Variants in NEGR1 observed in about 807,000 individuals in gnomAD.
The protein encoded by NEGR1 is IgLON family member 4.
NEGR1 carries 10 observed loss-of-function variants against 40.9 expected under a neutral mutation model. That is an observed-to-expected ratio of 0.24 (90% confidence interval 0.15 to 0.42). NEGR1 has a LOEUF of 0.42. Among genes scored for constraint, NEGR1 ranks in the 10% least tolerant of loss-of-function variants. The probability of loss-of-function intolerance (pLI) is 1.00; values close to 1 mark genes in which losing one functional copy is unlikely to be tolerated. For synonymous variants in NEGR1, 185 were observed against 166.8 expected, an observed-to-expected ratio of 1.11 and a Z score of -0.84; for missense variants, 352 against 438.9, an observed-to-expected ratio of 0.80 and a Z score of 1.77.
At chr1:71,882,814 A>G (rs181873759) in intron 2 of NEGR1, among the ~76,000 whole-genome samples, 9 of 151,700 alleles carry the variant, frequency 5.9e-5, no homozygotes, top group African/African-American at 2.2e-4. Context: ...TTACACAGAT[A>G]CTTTTCCTAC....
At chr1:72,190,012 T>C (rs1356702726) in intron 1 of NEGR1, among the ~76,000 whole-genome samples, 2 of 151,598 alleles carry the variant, frequency 1.3e-5, no homozygotes, top group African/African-American at 4.8e-5. Context: ...ATTTCTTTAA[T>C]TAATAGCACT....
chr1:72,161,889 C>A (rs187366514), intron 1 of NEGR1, among the ~76,000 whole-genome samples: 1 of 151,588 alleles, frequency 6.6e-6, no homozygotes, highest in Admixed American at 6.6e-5. Context: ...TGGGTTTTCA[C>A]TGTGTTGGCC....
rs113047652 is a variant in NEGR1 at position 72,000,059 on chromosome 1, T to C, written c.177-64748A>G. On this transcript the variant is annotated intron_variant, in intron 1 of 6. Coordinates refer to ENST00000357731, the MANE Select transcript of NEGR1 (RefSeq NM_173808.3). ...TCCCAGAATAACACTACGAAAGGTA[T>C]GCTAAAACCAAGGCTCAAATTAGAC... Among the ~76,000 whole-genome samples the C allele has an allele frequency of 2.2e-3, 333 of 152,108 alleles. 1 individual carries two copies. Among genetic ancestry groups the C allele is most frequent in the African/African-American group, 7.6e-3 (316 of 41,546 alleles).
chr1:71,964,994 C>G (rs1352356734), intron 1 of NEGR1, among the ~76,000 whole-genome samples: 1 of 152,088 alleles, frequency 6.6e-6, no homozygotes, highest in African/African-American at 2.4e-5. Flanking sequence ...TAATACTATT[C>G]CTTTTTTAGT....
At chr1:71,687,293 G>C (rs562146022) in intron 4 of NEGR1, among the ~76,000 whole-genome samples, 1 of 152,280 alleles carries the variant, frequency 6.6e-6, no homozygotes, top group African/African-American at 2.4e-5. Context: ...ATTAAGAGTA[G>C]AGTAGTGAAT....
At chr1:71,987,742 A>T (rs1438438615) in intron 1 of NEGR1, among the ~76,000 whole-genome samples, 1 of 151,726 alleles carries the variant, frequency 6.6e-6, no homozygotes, top group Non-Finnish European at 1.5e-5. Flanking sequence ...GGCCAGGGGA[A>T]AATCTCTGGA....
chr1:71,788,914 A>G (rs900170482), intron 2 of NEGR1, among the ~76,000 whole-genome samples: 3 of 152,122 alleles, frequency 2.0e-5, no homozygotes, highest in Admixed American at 6.6e-5. Flanking sequence ...AGTAGCTTAT[A>G]TATTATGGAA....
chr1:72,024,583 C>G (rs1353491246), intron 1 of NEGR1, among the ~76,000 whole-genome samples: 3 of 152,080 alleles, frequency 2.0e-5, no homozygotes, highest in African/African-American at 7.2e-5. Context: ...TTAGGCAATG[C>G]AAACAAAATG....
At chr1:72,189,902 T>C (rs1016685375) in intron 1 of NEGR1, among the ~76,000 whole-genome samples, 18 of 151,624 alleles carry the variant, frequency 1.2e-4, no homozygotes, top group Admixed American at 7.3e-4. Context: ...ACCTAATGAC[T>C]GGACCTTGAT....
intron 6 of NEGR1, among the ~76,000 whole-genome samples, chr1:71,531,753 GA>G (rs1647362696): frequency 1.3e-5 from 2 of 151,300 alleles, no homozygotes; most frequent in African/African-American, 4.8e-5. Context: ...GAGAGGTTAT[GA>G]AAAAGTATTC....
At chr1:72,013,133 A>C (rs1157705384) in intron 1 of NEGR1, among the ~76,000 whole-genome samples, 3 of 152,066 alleles carry the variant, frequency 2.0e-5, no homozygotes, top group Admixed American at 6.6e-5. Flanking sequence ...GTAATAAATT[A>C]TAATAAGGGA....
intron 1 of NEGR1, among the ~76,000 whole-genome samples, chr1:72,234,152 T>C (rs923423613): frequency 1.3e-5 from 2 of 152,036 alleles, no homozygotes; most frequent in East Asian, 1.9e-4. Context: ...CACACTCTGA[T>C]AGACACCAGT....
chr1:71,582,145 A>T (rs1410072233), intron 6 of NEGR1, among the ~76,000 whole-genome samples: 2 of 152,202 alleles, frequency 1.3e-5, no homozygotes, highest in East Asian at 3.9e-4. Flanking sequence ...TTTTTTAATG[A>T]TATTGTAAAA....
At chr1:71,826,524 T>C (rs1406100489) in intron 2 of NEGR1, among the ~76,000 whole-genome samples, 1 of 151,882 alleles carries the variant, frequency 6.6e-6, no homozygotes, top group Non-Finnish European at 1.5e-5. Flanking sequence ...CTGAACAATT[T>C]GCAAATAACA....
intron 1 of NEGR1, among the ~76,000 whole-genome samples, chr1:72,081,907 T>G (rs2100529384): frequency 6.6e-6 from 1 of 152,196 alleles, no homozygotes; most frequent in South Asian, 2.1e-4. Context: ...CTCTGAAACT[T>G]TAATGCGAAT....
chr1:71,693,783 G>T (rs1653377792), intron 4 of NEGR1, among the ~76,000 whole-genome samples: 1 of 151,414 alleles, frequency 6.6e-6, no homozygotes, highest in African/African-American at 2.4e-5. Flanking sequence ...GAGAACAGAT[G>T]GCCTCTGTCA....
chr1:72,254,419 T>C (rs886664523), intron 1 of NEGR1, among the ~76,000 whole-genome samples: 4 of 152,018 alleles, frequency 2.6e-5, no homozygotes, highest in African/African-American at 9.7e-5. Context: ...AAAAGCATAT[T>C]AGGCCAGGCG....
chr1:71,632,476 T>C (rs1179556358), intron 4 of NEGR1, among the ~76,000 whole-genome samples: 2 of 151,074 alleles, frequency 1.3e-5, no homozygotes, highest in Non-Finnish European at 3.0e-5. Flanking sequence ...TACAAATTGA[T>C]TTTATTGAAC....
intron 1 of NEGR1, among the ~76,000 whole-genome samples, chr1:72,134,745 T>C (rs1433670174): frequency 2.0e-5 from 3 of 151,618 alleles, no homozygotes; most frequent in African/African-American, 7.3e-5. Context: ...TATTTATTCA[T>C]TTATTTTTTG....
Sources: allele counts gnomAD v4.1 joint callset (sites outside exome capture counted in the v4.1 genomes callset), GRCh38; gene constraint gnomAD v4.1.1; transcripts MANE v1.5; gene names NCBI Gene and HGNC (gene_info 2026-07-23, HGNC 2026-07-21).